ARHGAP44: variants seen among roughly 807,000 people sequenced by gnomAD.
ARHGAP44 encodes rho GTPase-activating protein 44.
Under a neutral mutation model 106.8 loss-of-function variants are expected in ARHGAP44, and 43 were observed. The observed-to-expected ratio is 0.40, with a 90% CI of 0.32 to 0.52. The LOEUF (loss-of-function observed/expected upper bound fraction) is 0.52. ARHGAP44 is among the 20% of genes least tolerant of loss of function. ARHGAP44 has a pLI of 0.48. For missense variants in ARHGAP44, 866 were observed against 1,050.5 expected (o/e 0.82, Z 2.43); for synonymous variants, 439 against 410.3 (o/e 1.07, Z -0.85).
intron 3 of ARHGAP44, among the ~76,000 whole-genome samples, chr17:12,902,760 T>C (rs894796090): frequency 3.9e-5 from 6 of 152,232 alleles, no homozygotes; most frequent in Non-Finnish European, 8.8e-5. Context: ...GGCAAGTTAA[T>C]TACCTCATAA....
chr17:12,925,561 A>G (rs756069740), intron 6 of ARHGAP44, among the ~76,000 whole-genome samples: 24 of 152,118 alleles, frequency 1.6e-4, no homozygotes, highest in Non-Finnish European at 2.8e-4. Context: ...TATTCCTGGT[A>G]CCTGAAATTT....
At chr17:12,908,750 A>G (rs1235191276) in intron 3 of ARHGAP44, 147 bp from the exon 4 acceptor site, 7 of 611,526 alleles carry the variant, frequency 1.1e-5, no homozygotes, top group Middle Eastern at 3.9e-4. Context: ...ATGGTGCACT[A>G]TGAATTTCTA....
intron 1 of ARHGAP44, among the ~76,000 whole-genome samples, chr17:12,858,833 G>T (rs1436429147): frequency 6.6e-6 from 1 of 152,214 alleles, no homozygotes; most frequent in Non-Finnish European, 1.5e-5. Flanking sequence ...GTTCCACATG[G>T]CTGGGGAGGC....
At chr17:12,828,643 T>TTTTC (rs2150808529) in intron 1 of ARHGAP44, among the ~76,000 whole-genome samples, 1 of 144,508 alleles carries the variant, frequency 6.9e-6, no homozygotes, top group African/African-American at 2.6e-5. Context: ...TTTCTTTTTT[T>TTTTC]TTTTTTTTTT....
At chr17:12,818,268 C>A (rs935269283) in intron 1 of ARHGAP44, among the ~76,000 whole-genome samples, 10 of 142,150 alleles carry the variant, frequency 7.0e-5, no homozygotes, top group Non-Finnish European at 1.2e-4. Context: ...AAAATCCATT[C>A]ATGATAAGAC....
At chr17:12,813,280 T>C (rs149124825) in intron 1 of ARHGAP44, among the ~76,000 whole-genome samples, 1,537 of 151,512 alleles carry the variant, frequency 0.01, 26 homozygotes, top group African/African-American at 0.034. Context: ...CTTTAAGATA[T>C]GTGAAAAGTT....
At chr17:12,909,030 A>C in intron 4 of ARHGAP44, 57 bp downstream of exon 4, 1 of 1,426,910 alleles carries the variant, frequency 7.0e-7, no homozygotes, top group East Asian at 2.4e-5. Context: ...CCCATCCGTG[A>C]AAAGGGGACT....
intron 1 of ARHGAP44, among the ~76,000 whole-genome samples, chr17:12,816,869 C>G (rs903162452): frequency 6.7e-6 from 1 of 148,302 alleles, no homozygotes; most frequent in African/African-American, 2.4e-5. Context: ...AGAAAATTAG[C>G]AAGGACATAG....
At chr17:12,798,173 G>A (rs187674787) in intron 1 of ARHGAP44, among the ~76,000 whole-genome samples, 14 of 152,094 alleles carry the variant, frequency 9.2e-5, no homozygotes, top group African/African-American at 3.1e-4. Flanking sequence ...TTCCTCTCTG[G>A]TGGTTTATAC....
intron 1 of ARHGAP44, among the ~76,000 whole-genome samples, chr17:12,823,289 C>T (rs545260652): frequency 5.9e-5 from 9 of 152,308 alleles, no homozygotes; most frequent in African/African-American, 1.9e-4. Context: ...GACCACTCAA[C>T]TTAAGTGAGC....
Position 12,854,199 on chromosome 17 carries a change from C to A in ARHGAP44, c.54-40741C>A, listed in dbSNP as rs1336740459. Among the ~76,000 whole-genome samples, 4 of 152,170 alleles carry A rather than the reference C, an allele frequency of 2.6e-5. No individual in the cohort carries two copies. The South Asian group carries it at 8.3e-4, about 32-fold the overall frequency. ...ACAGGAGGGTGCAGGAAGAAAACTGCAGTTTCAAACAGCTTCTGTAGGCAC... is the reference window on the plus strand; with the variant it reads ...ACAGGAGGGTGCAGGAAGAAAACTGAAGTTTCAAACAGCTTCTGTAGGCAC... On this transcript the variant is annotated intron_variant, in intron 1 of 20. Transcript: ENST00000379672.
In ARHGAP44 at chr17:12,990,901, A is replaced by C. The variant is rs2040118345; in HGVS notation, c.*730A>C. 6.6e-6 allele frequency: 1 copy of C among 152,532 alleles called. No individual in the cohort carries two copies. Among genetic ancestry groups the C allele is most frequent in the Non-Finnish European group, 1.5e-5 (1 of 68,040 alleles). 9.4% of individuals were successfully genotyped at this position (152,532 alleles called of 1,614,324 possible). On this transcript the variant is annotated 3_prime_UTR_variant, in exon 21 of 21. Transcript: ENST00000379672. ...AGCCTGACAGTGTCTGGAGGAGCCA[A>C]AGGTGGCCTCCCTGTCCCCAAATAT...
rs560021202 is a variant in ARHGAP44, at chr17:12,847,959, A to G, written c.54-46981A>G. On this transcript the variant is annotated intron_variant, in intron 1 of 20. Transcript: ENST00000379672. Reference sequence around the variant, plus strand: ...AACAGTATTGTATAGGCTTGCCCCAACCCTGTCTTTCTCATGAGCCTTGTT... The same window carrying G: ...AACAGTATTGTATAGGCTTGCCCCAGCCCTGTCTTTCTCATGAGCCTTGTT... 9.2e-5 allele frequency among the ~76,000 whole-genome samples: 14 copies of G among 152,218 alleles called. No individual in the cohort carries two copies. The East Asian group carries it at 2.1e-3, about 23-fold the overall frequency.
intron 1 of ARHGAP44, among the ~76,000 whole-genome samples, chr17:12,867,768 T>C (rs1440515815): frequency 6.6e-6 from 1 of 152,184 alleles, no homozygotes; most frequent in Non-Finnish European, 1.5e-5. Context: ...AGAACCCTCT[T>C]GGGACACTTT....
At chr17:12,894,827 T>C in intron 1 of ARHGAP44, 113 bp from the exon 2 acceptor site, 1 of 921,426 alleles carries the variant, frequency 1.1e-6, no homozygotes, top group Non-Finnish European at 1.6e-6. Context: ...TAAATGTTTC[T>C]ACTACTCATG....
intron 1 of ARHGAP44, among the ~76,000 whole-genome samples, chr17:12,866,439 C>A (rs1297268221): frequency 6.6e-6 from 1 of 152,148 alleles, no homozygotes; most frequent in Admixed American, 6.5e-5. Flanking sequence ...ACAGCATCAG[C>A]CTAGACCACA....
At chr17:12,816,575 A>G (rs1225808055) in intron 1 of ARHGAP44, among the ~76,000 whole-genome samples, 2 of 152,242 alleles carry the variant, frequency 1.3e-5, no homozygotes, top group South Asian at 4.1e-4. Context: ...TTAAGAGTTT[A>G]GCAAGCTTGC....
chr17:12,848,634 C>T (rs1289130333), intron 1 of ARHGAP44, among the ~76,000 whole-genome samples: 3 of 152,150 alleles, frequency 2.0e-5, no homozygotes, highest in African/African-American at 7.2e-5. Context: ...TGCTTGTACA[C>T]CTCTGAAATC....
intron 7 of ARHGAP44, among the ~76,000 whole-genome samples, chr17:12,936,978 A>T (rs2038566646): frequency 6.6e-6 from 1 of 152,194 alleles, no homozygotes; most frequent in Non-Finnish European, 1.5e-5. Context: ...TTATAAAAGA[A>T]ACAGCGGTAA....
Sources: allele counts gnomAD v4.1 joint callset (sites outside exome capture counted in the v4.1 genomes callset), GRCh38; gene constraint gnomAD v4.1.1; transcripts MANE v1.5; gene names NCBI Gene and HGNC (gene_info 2026-07-23, HGNC 2026-07-21).